RARB: variants seen among roughly 807,000 people sequenced by gnomAD.
RARB encodes the protein HBV-activated protein.
In RARB, 17 loss-of-function variants were observed where a neutral mutation model predicts 51.9. The observed-to-expected ratio is 0.33, with a 90% CI of 0.22 to 0.49. The LOEUF (loss-of-function observed/expected upper bound fraction) is 0.49. RARB is among the 20% of genes least tolerant of loss of function. The probability of loss-of-function intolerance (pLI) is 0.99; values close to 1 mark genes in which losing one functional copy is unlikely to be tolerated. For missense variants in RARB, 369 were observed against 550.8 expected (o/e 0.67, Z 3.30); for synonymous variants, 215 against 195.4 (o/e 1.10, Z -0.84).
intron 5 of RARB, among the ~76,000 whole-genome samples, chr3:25,207,826 A>T (rs1410265479): frequency 6.6e-6 from 1 of 152,194 alleles, no homozygotes; most frequent in Non-Finnish European, 1.5e-5. Flanking sequence ...AGTTGCTACA[A>T]AGGAACAACT....
At chr3:24,830,420 C>CGTGTGTGTGTGTGTGTGT (rs59434163) in intron 1 of RARB, among the ~76,000 whole-genome samples, 3,045 of 121,440 alleles carry the variant, frequency 0.025, 73 homozygotes, top group South Asian at 0.045. Flanking sequence ...TGACAGAAGA[C>CGTGTGTGTGTGTGTGTGT]GTGTGTGTGT....
At chr3:25,316,370 C>G (rs1399646381) in intron 5 of RARB, among the ~76,000 whole-genome samples, 1 of 151,738 alleles carries the variant, frequency 6.6e-6, no homozygotes, top group South Asian at 2.1e-4. Flanking sequence ...AAAATAAATA[C>G]ATGCAATAAG....
intron 3 of RARB, among the ~76,000 whole-genome samples, chr3:25,562,059 A>G (rs573577476): frequency 6.6e-6 from 1 of 152,252 alleles, no homozygotes; most frequent in Admixed American, 6.5e-5. Context: ...CCCCTATTTG[A>G]AGACTATTGA....
intron 3 of RARB, among the ~76,000 whole-genome samples, chr3:25,066,725 G>A (rs968043762): frequency 6.0e-5 from 9 of 150,446 alleles, no homozygotes; most frequent in Non-Finnish European, 1.0e-4. Context: ...TATAAACATT[G>A]TAGAAAATTC....
intron 2 of RARB, among the ~76,000 whole-genome samples, chr3:24,926,610 C>A (rs17015468): frequency 2.6e-5 from 4 of 151,806 alleles, no homozygotes; most frequent in Non-Finnish European, 4.4e-5. Flanking sequence ...TGAGGCTAAT[C>A]GAGAAGCTGG....
chr3:25,171,644 A>T (rs60991827), intron 4 of RARB, among the ~76,000 whole-genome samples: 1,760 of 26,004 alleles, frequency 0.068, 73 homozygotes, highest in African/African-American at 0.22. Flanking sequence ...CCTGGTTGGT[A>T]AAAAAAAAAA....
At chr3:24,977,164 C>A (rs1243241731) in intron 2 of RARB, among the ~76,000 whole-genome samples, 1 of 152,068 alleles carries the variant, frequency 6.6e-6, no homozygotes, top group South Asian at 2.1e-4. Flanking sequence ...GTTACTGTAG[C>A]CTTGTAGTAT....
chr3:24,832,380 T>A (rs903555378), intron 1 of RARB, among the ~76,000 whole-genome samples: 1 of 152,020 alleles, frequency 6.6e-6, no homozygotes, highest in African/African-American at 2.4e-5. Flanking sequence ...GGACTTTGTA[T>A]ATATTTCAAG....
chr3:24,993,102 T>C (rs1047427113), intron 2 of RARB, among the ~76,000 whole-genome samples: 1 of 152,180 alleles, frequency 6.6e-6, no homozygotes. Context: ...TATTTCCAGT[T>C]AAATATTCAT....
intron 2 of RARB, among the ~76,000 whole-genome samples, chr3:24,859,161 G>C (rs1410929352): frequency 1.3e-5 from 2 of 151,600 alleles, no homozygotes; most frequent in African/African-American, 2.4e-5. Context: ...CAGTTAATCA[G>C]TTCAACTCAA....
At chr3:25,144,767 G>A (rs1700161431) in intron 4 of RARB, among the ~76,000 whole-genome samples, 1 of 152,188 alleles carries the variant, frequency 6.6e-6, no homozygotes, top group South Asian at 2.1e-4. Flanking sequence ...AAGCTAGAAT[G>A]CCTGGCCGAT....
At chr3:25,569,004 C>G (rs1700606259) in intron 3 of RARB, among the ~76,000 whole-genome samples, 1 of 152,244 alleles carries the variant, frequency 6.6e-6, no homozygotes, top group Admixed American at 6.5e-5. Context: ...TTGTGCCTGG[C>G]ACCGTGCTTG....
chr3:25,480,055 G>A (rs1490627498), intron 2 of RARB, among the ~76,000 whole-genome samples: 1 of 152,216 alleles, frequency 6.6e-6, no homozygotes, highest in Non-Finnish European at 1.5e-5. Context: ...TATTGTAGAG[G>A]TGTGTGGATT....
chr3:25,284,848 T>C (rs971523565), intron 5 of RARB, among the ~76,000 whole-genome samples: 2 of 152,142 alleles, frequency 1.3e-5, no homozygotes, highest in Non-Finnish European at 2.9e-5. Flanking sequence ...GGCTAACATT[T>C]TGTATATGTG....
chr3:25,376,453 A>T (rs1706462441), intron 5 of RARB, among the ~76,000 whole-genome samples: 1 of 152,168 alleles, frequency 6.6e-6, no homozygotes, highest in African/African-American at 2.4e-5. Context: ...CCCAGATACA[A>T]CCTTGTCTTG....
intron 5 of RARB, among the ~76,000 whole-genome samples, chr3:25,381,508 A>G (rs924114857): frequency 6.6e-6 from 1 of 152,242 alleles, no homozygotes; most frequent in Admixed American, 6.5e-5. Flanking sequence ...ATCTGTTAGT[A>G]TATTTAAGCA....
chr3:24,938,189 TGTTAA>T (rs1449210011), intron 2 of RARB, among the ~76,000 whole-genome samples: 1 of 152,162 alleles, frequency 6.6e-6, no homozygotes, highest in Admixed American at 6.5e-5. Flanking sequence ...GCCTTTCAGG[TGTTAA>T]GTTGAACCAT....
chr3:25,551,266 T>G (rs1355384223), intron 3 of RARB, among the ~76,000 whole-genome samples: 1 of 152,190 alleles, frequency 6.6e-6, no homozygotes, highest in East Asian at 1.9e-4. Context: ...GGCAGCCCAT[T>G]TGAGCTCTAA....
At chr3:24,867,816 A>C (rs1352694563) in intron 2 of RARB, among the ~76,000 whole-genome samples, 1 of 152,166 alleles carries the variant, frequency 6.6e-6, no homozygotes, top group Non-Finnish European at 1.5e-5. Flanking sequence ...AATTCTCTTA[A>C]GAAAAGCCCA....
Sources: allele counts gnomAD v4.1 joint callset (sites outside exome capture counted in the v4.1 genomes callset), GRCh38; gene constraint gnomAD v4.1.1; transcripts MANE v1.5; gene names NCBI Gene and HGNC (gene_info 2026-07-23, HGNC 2026-07-21).